The following UBE3D variants were observed in gnomAD, a reference collection of about 807,000 sequenced individuals.
UBE3D encodes E3 ubiquitin-protein ligase E3D.
Under a neutral mutation model 49.6 loss-of-function variants are expected in UBE3D, and 48 were observed. The observed-to-expected ratio is 0.97, with a 90% CI of 0.77 to 1.23. The LOEUF is 1.23. Ranked by LOEUF, UBE3D falls within the 50% of genes most tolerant of loss-of-function variation. UBE3D has a pLI of 0.00. For missense variants in UBE3D, 452 were observed against 468.4 expected, an observed-to-expected ratio of 0.96 and a Z score of 0.32; for synonymous variants, 189 against 174.2, an observed-to-expected ratio of 1.08 and a Z score of -0.67.
At chr6:82,997,774 G>A (rs1459180242) in intron 8 of UBE3D, among the ~76,000 whole-genome samples, 1 of 152,056 alleles carries the variant, frequency 6.6e-6, no homozygotes, top group Non-Finnish European at 1.5e-5. Context: ...ATACTTCCAG[G>A]GGCATATATA....
chr6:82,927,728 T>A (rs1308559461), intron 9 of UBE3D, among the ~76,000 whole-genome samples: 1 of 148,562 alleles, frequency 6.7e-6, no homozygotes, highest in Non-Finnish European at 1.5e-5. Flanking sequence ...TACAATCTTG[T>A]TATAATCACT....
At chr6:83,028,297 C>T (rs1441022992) in intron 5 of UBE3D, among the ~76,000 whole-genome samples, 4 of 152,144 alleles carry the variant, frequency 2.6e-5, no homozygotes, top group African/African-American at 9.7e-5. Flanking sequence ...TCTTTGGTTG[C>T]ATGGTGAATA....
downstream of UBE3D, among the ~76,000 whole-genome samples, chr6:82,890,267 C>A (rs907192241): frequency 2.6e-5 from 4 of 152,132 alleles, no homozygotes; most frequent in African/African-American, 9.7e-5. Context: ...CACACCAATT[C>A]ACTCACCCAC....
chr6:82,938,630 C>T (rs558658299), intron 9 of UBE3D: 1 of 152,280 alleles, frequency 6.6e-6, no homozygotes, highest in African/African-American at 2.4e-5. Context: ...GCTATTTGGA[C>T]CTGTGACTAG....
At chr6:83,023,676 G>A (rs926916165) in intron 6 of UBE3D, among the ~76,000 whole-genome samples, 2 of 152,154 alleles carry the variant, frequency 1.3e-5, no homozygotes, top group East Asian at 1.9e-4. Context: ...AAGTGGGAAC[G>A]AAGCTATGAG....
In UBE3D at chr6:83,028,123, AACTT is replaced by A. The variant is rs200721891; in HGVS notation, c.668-4089_668-4086del. On this transcript the variant is annotated intron_variant, in intron 5 of 9. Transcript: ENST00000369747. ...TATAAATTTATTGTTTAATTTATAT[AACTT>A]ACTGTTATAGTTTCCTTTTCCTTTC... Among the ~76,000 whole-genome samples the A allele has an allele frequency of 5.3e-3, 813 of 152,298 alleles. 14 individuals carry two copies. Among genetic ancestry groups the A allele is most frequent in the Admixed American group, 0.039 (594 of 15,292 alleles).
chr6:83,023,893 C>A (rs1781272236), intron 6 of UBE3D, 76 bp downstream of exon 6: 5 of 1,018,712 alleles, frequency 4.9e-6, no homozygotes, highest in Non-Finnish European at 5.7e-6. Flanking sequence ...AATTCAAAAC[C>A]AAAAAATAAA....
intron 9 of UBE3D, among the ~76,000 whole-genome samples, chr6:82,924,530 C>A (rs920763024): frequency 6.6e-6 from 1 of 152,080 alleles, no homozygotes; most frequent in Non-Finnish European, 1.5e-5. Flanking sequence ...CCTCTCAATT[C>A]AATTACACAC....
chr6:83,065,618 T>C, intron 1 of UBE3D, 24 bp downstream of exon 1: 1 of 1,613,056 alleles, frequency 6.2e-7, no homozygotes, highest in South Asian at 1.1e-5. Context: ...AGCTGGGCAC[T>C]GCGCCTAGAA....
chr6:83,039,708 G>A (rs1262303123), intron 4 of UBE3D, among the ~76,000 whole-genome samples: 8 of 152,058 alleles, frequency 5.3e-5, no homozygotes, highest in East Asian at 3.9e-4. Flanking sequence ...GCAGTGGCGC[G>A]ACCTTGGCTC....
At chr6:82,922,679 C>T (rs1773435732) in intron 9 of UBE3D, among the ~76,000 whole-genome samples, 1 of 47,382 alleles carries the variant, frequency 2.1e-5, no homozygotes, top group South Asian at 8.6e-4. Context: ...GTCTAAAACA[C>T]CAAAAGCAAT....
At chr6:83,001,798 T>C (rs1779654526) in intron 8 of UBE3D, among the ~76,000 whole-genome samples, 1 of 152,160 alleles carries the variant, frequency 6.6e-6, no homozygotes, top group South Asian at 2.1e-4. Flanking sequence ...AGGAAGACCA[T>C]TCTAACAATT....
chr6:83,003,651 A>G (rs1779781691), intron 8 of UBE3D, among the ~76,000 whole-genome samples: 1 of 152,222 alleles, frequency 6.6e-6, no homozygotes, highest in African/African-American at 2.4e-5. Context: ...ACAGACCCAT[A>G]GCGCACATTA....
At chr6:82,970,341 G>C (rs1238580295) in intron 8 of UBE3D, among the ~76,000 whole-genome samples, 2 of 151,292 alleles carry the variant, frequency 1.3e-5, no homozygotes, top group African/African-American at 4.9e-5. Context: ...AATCTATAAG[G>C]GTTTTATAAT....
intron 8 of UBE3D, among the ~76,000 whole-genome samples, chr6:82,982,742 TCATCAA>T (rs1306262259): frequency 6.6e-6 from 1 of 152,140 alleles, no homozygotes; most frequent in African/African-American, 2.4e-5. Context: ...CCAAAGATGA[TCATCAA>T]CAAGTTCCAT....
chr6:82,922,292 T>C (rs900870546), intron 9 of UBE3D, among the ~76,000 whole-genome samples: 2 of 152,194 alleles, frequency 1.3e-5, no homozygotes, highest in African/African-American at 2.4e-5. Context: ...GAAAACACCA[T>C]GCCCAGATAG....
At chr6:83,058,797 T>C (rs1783981029) in intron 1 of UBE3D, among the ~76,000 whole-genome samples, 1 of 152,218 alleles carries the variant, frequency 6.6e-6, no homozygotes, top group South Asian at 2.1e-4. Flanking sequence ...TTAGAAAATC[T>C]TATAGCTACT....
At chr6:82,976,106 A>G (rs1034792987) in intron 8 of UBE3D, among the ~76,000 whole-genome samples, 1 of 152,162 alleles carries the variant, frequency 6.6e-6, no homozygotes, top group Non-Finnish European at 1.5e-5. Flanking sequence ...GGAACAAGGT[A>G]AAAAAGCCCA....
At chr6:83,002,956 T>G (rs1232647948) in intron 8 of UBE3D, among the ~76,000 whole-genome samples, 1 of 152,206 alleles carries the variant, frequency 6.6e-6, no homozygotes, top group Non-Finnish European at 1.5e-5. Context: ...AGATTTTGGT[T>G]TTTTGAATAA....
Sources: allele counts gnomAD v4.1 joint callset (sites outside exome capture counted in the v4.1 genomes callset), GRCh38; gene constraint gnomAD v4.1.1; transcripts MANE v1.5; gene names NCBI Gene and HGNC (gene_info 2026-07-23, HGNC 2026-07-21).